OR14I1: variants seen among roughly 807,000 people sequenced by gnomAD.
OR14I1 encodes olfactory receptor 14I1.
For synonymous variants in OR14I1, 118 were observed against 71.1 expected, an observed-to-expected ratio of 1.66 and a Z score of -3.32; for missense variants, 279 against 181.8, an observed-to-expected ratio of 1.53 and a Z score of -3.07.
At chr1:248,694,727 A>G in the OR14I1 span, among the ~76,000 whole-genome samples, 1 of 152,236 alleles carries the variant, frequency 6.6e-6, no homozygotes, top group Non-Finnish European at 1.5e-5. Context: ...ACCTTGTACA[A>G]ATGCATGTAG....
chr1:248,684,097 C>A (rs1374676723), upstream of OR14I1, among the ~76,000 whole-genome samples: 1 of 152,116 alleles, frequency 6.6e-6, no homozygotes, highest in Non-Finnish European at 1.5e-5. Flanking sequence ...TACATATTTA[C>A]AATGAAAATG....
the OR14I1 span, among the ~76,000 whole-genome samples, chr1:248,697,528 T>C: frequency 1.3e-5 from 2 of 149,520 alleles, no homozygotes; most frequent in African/African-American, 4.9e-5. Context: ...CTCATGCCTG[T>C]AATCCCAGCA....
At chr1:248,690,948 C>A in the OR14I1 span, among the ~76,000 whole-genome samples, 1 of 152,142 alleles carries the variant, frequency 6.6e-6, no homozygotes, top group South Asian at 2.1e-4. Context: ...ACATGCAAAT[C>A]AATAAACACA....
At chr1:248,694,508 T>A in the OR14I1 span, among the ~76,000 whole-genome samples, 1 of 152,222 alleles carries the variant, frequency 6.6e-6, no homozygotes, top group African/African-American at 2.4e-5. Flanking sequence ...TTTCTTTCCA[T>A]TGGCAGCATT....
chr1:248,686,685 T>TC (rs2103135974), upstream of OR14I1, among the ~76,000 whole-genome samples: 1 of 148,314 alleles, frequency 6.7e-6, no homozygotes, highest in African/African-American at 2.5e-5. Context: ...AAATTTGAAA[T>TC]GATTGCTTAC....
chr1:248,693,255 C>G, the OR14I1 span, among the ~76,000 whole-genome samples: 1 of 152,178 alleles, frequency 6.6e-6, no homozygotes, highest in African/African-American at 2.4e-5. Context: ...TCCCACGTCA[C>G]CTGGGTGGTG....
chr1:248,686,094 G>T (rs565828701), upstream of OR14I1, among the ~76,000 whole-genome samples: 1 of 152,094 alleles, frequency 6.6e-6, no homozygotes, highest in Non-Finnish European at 1.5e-5. Flanking sequence ...TGAAAATTTT[G>T]AATATATTAT....
the OR14I1 span, chr1:248,692,909 T>C: frequency 4.6e-5 from 7 of 152,204 alleles, no homozygotes; most frequent in Non-Finnish European, 1.0e-4. Context: ...TGTCTGTCTT[T>C]CTCCAGAGAC....
At chr1:248,691,404 G>C in the OR14I1 span, among the ~76,000 whole-genome samples, 1 of 152,210 alleles carries the variant, frequency 6.6e-6, no homozygotes, top group Non-Finnish European at 1.5e-5. Flanking sequence ...TTGATGACTT[G>C]GAGGGTATTG....
chr1:248,678,322 T>C (rs1166725437), downstream of OR14I1, among the ~76,000 whole-genome samples: 3 of 152,222 alleles, frequency 2.0e-5, no homozygotes, highest in African/African-American at 7.2e-5. Context: ...AGAATATACT[T>C]TTATTTCAAA....
the OR14I1 span, among the ~76,000 whole-genome samples, chr1:248,696,195 C>T: frequency 6.6e-6 from 1 of 152,256 alleles, no homozygotes; most frequent in Admixed American, 6.5e-5. Context: ...ACTACTCATC[C>T]CATAGGGGCT....
the OR14I1 span, among the ~76,000 whole-genome samples, chr1:248,694,297 A>G: frequency 1.3e-5 from 2 of 152,108 alleles, no homozygotes; most frequent in Non-Finnish European, 2.9e-5. Flanking sequence ...ACTTTTTTTC[A>G]TATATTGTCC....
the OR14I1 span, among the ~76,000 whole-genome samples, chr1:248,690,286 G>T: frequency 6.6e-6 from 1 of 152,108 alleles, no homozygotes; most frequent in Non-Finnish European, 1.5e-5. Context: ...AATGAAATCA[G>T]GAGCTGGTTT....
chr1:248,701,434 G>A, the OR14I1 span, among the ~76,000 whole-genome samples: 777 of 152,276 alleles, frequency 5.1e-3, 8 homozygotes, highest in South Asian at 0.026. Context: ...GATTACAGGC[G>A]TGAGCCACTG....
rs1185127744 is a variant in OR14I1 at position 248,681,850 on chromosome 1, GA to G, written c.454del (p.Ser152ProfsTer20). ...GTTGCCAGTGTGGACGGCTGCGTAG[GA>G]AAAGCAGCTTAGCCAGGTGGTGACT... is the stretch of plus-strand genomic sequence containing the variant. On this transcript the variant is annotated frameshift_variant, in exon 1 of 1. Transcript: ENST00000342623. LOFTEE classifies it low-confidence loss of function (END_TRUNC). The G allele has an allele frequency of 1.3e-6, 1 of 780,962 alleles. No homozygotes were observed. Among genetic ancestry groups the G allele is most frequent in the African/African-American group, 1.7e-5 (1 of 59,146 alleles). The allele number at this position is 780,962 out of a possible 1,614,324, so 48.4% of individuals were successfully genotyped here.
chr1:248,689,922 C>T, the OR14I1 span, among the ~76,000 whole-genome samples: 8 of 152,312 alleles, frequency 5.3e-5, no homozygotes, highest in African/African-American at 1.9e-4. Context: ...GATTAAGAAA[C>T]TCACTCAGCA....
At chr1:248,692,757 T>G in the OR14I1 span, 1 of 152,340 alleles carries the variant, frequency 6.6e-6, no homozygotes. Context: ...GCAGCTGAGC[T>G]TATCTGTTCT....
the OR14I1 span, among the ~76,000 whole-genome samples, chr1:248,702,196 T>C: frequency 6.6e-6 from 1 of 152,158 alleles, no homozygotes; most frequent in Non-Finnish European, 1.5e-5. Flanking sequence ...CCCCAAGTCT[T>C]AACTCATTTC....
the OR14I1 span, among the ~76,000 whole-genome samples, chr1:248,702,618 C>G: frequency 6.6e-6 from 1 of 152,126 alleles, no homozygotes; most frequent in Non-Finnish European, 1.5e-5. Flanking sequence ...CAGCCTTAGT[C>G]CCCTAGAGCC....
Sources: allele counts gnomAD v4.1 joint callset (sites outside exome capture counted in the v4.1 genomes callset), GRCh38; gene constraint gnomAD v4.1.1; transcripts MANE v1.5; gene names NCBI Gene and HGNC (gene_info 2026-07-23, HGNC 2026-07-21).